Variants in DTNB observed in about 807,000 individuals in gnomAD.
DTNB encodes dystrobrevin beta.
Under a neutral mutation model 90.7 loss-of-function variants are expected in DTNB, and 63 were observed. That is an observed-to-expected ratio of 0.69 (90% CI 0.57 to 0.86). The LOEUF is 0.86. DTNB is among the 40% of genes least tolerant of loss of function. The pLI, the probability that DTNB is intolerant of heterozygous loss-of-function variation, is 0.00. For synonymous variants in DTNB, 277 were observed against 286.7 expected (o/e 0.97, Z 0.34); for missense variants, 744 against 807.1 (o/e 0.92, Z 0.95).
intron 8 of DTNB, among the ~76,000 whole-genome samples, chr2:25,567,397 T>C (rs950763363): frequency 1.3e-5 from 2 of 152,144 alleles, no homozygotes; most frequent in Non-Finnish European, 2.9e-5. Context: ...CACGAGAAAA[T>C]TTGCTCTGAC....
At chr2:25,571,165 G>A (rs1372881445) in intron 8 of DTNB, among the ~76,000 whole-genome samples, 2 of 152,052 alleles carry the variant, frequency 1.3e-5, no homozygotes, top group African/African-American at 2.4e-5. Flanking sequence ...AACCCATTAG[G>A]CTGATGTATA....
intron 4 of DTNB, among the ~76,000 whole-genome samples, chr2:25,618,009 G>A (rs547517005): frequency 6.6e-5 from 10 of 152,072 alleles, no homozygotes; most frequent in South Asian, 2.1e-4. Context: ...CACAAATCAC[G>A]TTACTTATAT....
chr2:25,665,830 T>C (rs1232614078), intron 1 of DTNB, among the ~76,000 whole-genome samples: 1 of 151,630 alleles, frequency 6.6e-6, no homozygotes, highest in Admixed American at 6.6e-5. Flanking sequence ...CCTTAAAGAT[T>C]TGCTTTTTAC....
At chr2:25,433,721 G>T (rs528129154) in intron 13 of DTNB, among the ~76,000 whole-genome samples, 189 bp downstream of exon 13, 1 of 152,196 alleles carries the variant, frequency 6.6e-6, no homozygotes, top group African/African-American at 2.4e-5. Context: ...TGGACTACCA[G>T]AATCAACAGC....
intron 4 of DTNB, among the ~76,000 whole-genome samples, chr2:25,615,501 T>C (rs558460682): frequency 1.3e-5 from 2 of 152,282 alleles, no homozygotes; most frequent in African/African-American, 4.8e-5. Context: ...AAGATGCTCC[T>C]ATCACTCAGG....
chr2:25,629,070 T>G (rs1559302438), intron 3 of DTNB, among the ~76,000 whole-genome samples: 2 of 152,062 alleles, frequency 1.3e-5, no homozygotes, highest in East Asian at 3.8e-4. Context: ...ACAAAAAAAG[T>G]AAACAATACT....
chr2:25,435,511 T>C (rs1023799733), intron 12 of DTNB, among the ~76,000 whole-genome samples: 1 of 152,222 alleles, frequency 6.6e-6, no homozygotes, highest in Admixed American at 6.5e-5. Flanking sequence ...TTTATGTCTA[T>C]CTTTTTTCAC....
intron 14 of DTNB, among the ~76,000 whole-genome samples, chr2:25,431,021 T>C (rs1317833910): frequency 6.6e-6 from 1 of 152,216 alleles, no homozygotes; most frequent in Non-Finnish European, 1.5e-5. Context: ...GCCTCATATA[T>C]ACTGATCAAA....
intron 15 of DTNB, among the ~76,000 whole-genome samples, chr2:25,420,516 ATCTATCTGTCTG>A (rs1403623507): frequency 0.019 from 1,613 of 83,994 alleles, 16 homozygotes; most frequent in Non-Finnish European, 0.037. Flanking sequence ...CTATCTATCT[ATCTATCTGTCTG>A]TCTATCGACA....
intron 9 of DTNB, among the ~76,000 whole-genome samples, chr2:25,496,760 T>C (rs982288306): frequency 1.3e-5 from 2 of 151,924 alleles, no homozygotes; most frequent in African/African-American, 4.8e-5. Context: ...GGAGAATCGC[T>C]TGAACCCGGG....
chr2:25,387,211 C>T lies in DTNB; in HGVS notation c.1825+78G>A, dbSNP rs563079391. The T allele has an allele frequency of 8.7e-5, 123 of 1,419,690 alleles. No homozygotes were observed. The African/African-American group carries it at 1.3e-3, about 15-fold the overall frequency. 87.9% of individuals were successfully genotyped at this position (1,419,690 alleles called of 1,614,324 possible). A position where few individuals can be genotyped will look rare whatever the true frequency, so the allele number is the denominator to read the frequency against. ...TGCAAGCTGGGTGGTGAGGTTCTGCCGGTGCTGGCAAGGAAGTGAGAAGGG... is the reference window on the plus strand; with the variant it reads ...TGCAAGCTGGGTGGTGAGGTTCTGCTGGTGCTGGCAAGGAAGTGAGAAGGG... On this transcript the variant is annotated intron_variant, in intron 18 of 20. Transcript: ENST00000406818. This position sits in a 1 kb window ranked among gnomAD's most constrained non-coding sequence, Gnocchi z 4.5.
rs771194477 is a variant in DTNB, at chr2:25,531,473, A to C, written c.1001T>G (p.Val334Gly). 4 of 1,613,102 alleles carry C rather than the reference A, an allele frequency of 2.5e-6. No homozygotes were observed. The highest frequency in any genetic ancestry group is 3.4e-6 in the Non-Finnish European group (4 of 1,179,660). Residue 334 changes from valine (V) to glycine (G), a missense_variant and splice_region_variant, in exon 9 of 21, where the codon GTT becomes GGT. Physicochemically the swap from Val to Gly is moderately radical, Grantham distance 109. Transcript: ENST00000406818. ...CATGCACATCCAGGGGTATACTTAC[A>C]CTATATGTGCAAGGTCAAGTGGTTT... ...PEKPLDLAHIVPPRPLTNMND... is the reference protein window; with the variant it reads ...PEKPLDLAHIGPPRPLTNMND...
In DTNB at chr2:25,580,836, G is replaced by A. The variant is rs369404192; in HGVS notation, c.604-10C>T. On this transcript the variant is annotated splice_polypyrimidine_tract_variant and intron_variant, in intron 6 of 20. Transcript: ENST00000406818. Reference sequence around the variant, plus strand: ...TTAGCATTATCTTTCTCTGTAAAGAGAAGAAAAACAAACATACTTTAAGTT... The same window carrying A: ...TTAGCATTATCTTTCTCTGTAAAGAAAAGAAAAACAAACATACTTTAAGTT... The A allele has an allele frequency of 3.7e-6, 6 of 1,600,156 alleles. No homozygotes were observed. The Admixed American group carries it at 5.2e-5, about 14-fold the overall frequency.
intron 4 of DTNB, among the ~76,000 whole-genome samples, chr2:25,621,443 C>G (rs2072590051): frequency 7.3e-6 from 1 of 136,190 alleles, no homozygotes; most frequent in South Asian, 2.4e-4. Context: ...ACTGCTAAAT[C>G]AACTTTTTTT....
intron 9 of DTNB, among the ~76,000 whole-genome samples, chr2:25,495,931 G>A (rs1311346228): frequency 1.3e-5 from 2 of 152,116 alleles, no homozygotes; most frequent in Non-Finnish European, 2.9e-5. Context: ...AGACATATAT[G>A]CCTCAATTTA....
chr2:25,420,238 C>T (rs565434136), intron 15 of DTNB, among the ~76,000 whole-genome samples: 10 of 149,018 alleles, frequency 6.7e-5, no homozygotes, highest in Non-Finnish European at 1.0e-4. Flanking sequence ...ACTGTATCCC[C>T]GTCTACTTGC....
chr2:25,633,345 T>C (rs1241189585), intron 3 of DTNB, among the ~76,000 whole-genome samples: 1 of 152,150 alleles, frequency 6.6e-6, no homozygotes, highest in African/African-American at 2.4e-5. Flanking sequence ...CGTATTTTTT[T>C]GGTGGAGACG....
chr2:25,530,736 G>A (rs2078010264), intron 9 of DTNB, among the ~76,000 whole-genome samples: 1 of 152,138 alleles, frequency 6.6e-6, no homozygotes, highest in Non-Finnish European at 1.5e-5. Flanking sequence ...GGAGGTGAAA[G>A]AAAATGAATG....
In DTNB at chr2:25,671,663, C is replaced by T. The variant is rs11681175; in HGVS notation, c.-2+1723G>A. ...TCTAACCATAGGTAGAAATTTGTCT[C>T]TCGGGCATAGTGGACATCCAAAAAC... On this transcript the variant is annotated intron_variant, in intron 1 of 20. Coordinates refer to ENST00000406818, the MANE Select transcript of DTNB (RefSeq NM_021907.5). Among the ~76,000 whole-genome samples, 159 of 152,238 alleles carry T rather than the reference C, an allele frequency of 1.0e-3. 1 individual carries two copies. The highest frequency in any genetic ancestry group is 3.7e-3 in the African/African-American group (154 of 41,550).
Sources: allele counts gnomAD v4.1 joint callset (sites outside exome capture counted in the v4.1 genomes callset), GRCh38; gene constraint gnomAD v4.1.1; non-coding constraint Gnocchi (gnomAD v3.1); transcripts MANE v1.5; gene names NCBI Gene and HGNC (gene_info 2026-07-23, HGNC 2026-07-21).